TRIM46: variants seen among roughly 807,000 people sequenced by gnomAD.
The protein encoded by TRIM46 is tripartite motif-containing protein 46.
TRIM46 carries 17 observed loss-of-function variants against 69.7 expected under a neutral mutation model. The observed-to-expected ratio is 0.24, with a 90% CI of 0.17 to 0.37. The LOEUF (loss-of-function observed/expected upper bound fraction) is 0.37, where lower values mean the gene tolerates loss of function less well. Among genes scored for constraint, TRIM46 ranks in the 10% least tolerant of loss-of-function variants. The pLI is 1.00. For missense variants in TRIM46, 675 were observed against 1,025.1 expected (o/e 0.66, Z 4.66); for synonymous variants, 391 against 429.0 (o/e 0.91, Z 1.09).
intron 9 of TRIM46, 84 bp from the exon 10 acceptor site, chr1:155,183,713 T>G (rs1666347773): frequency 1.3e-6 from 2 of 1,546,436 alleles, no homozygotes; most frequent in East Asian, 4.5e-5. Flanking sequence ...CTCCTTAACA[T>G]TCCATCCTTC....
Position 155,175,014 on chromosome 1 carries a change from T to G in TRIM46, c.64-372T>G. ...AAGGGAGTGGGGGTCTGCATGGAGC[T>G]GCAGAATGGGCGGTGTCCTTGAGAA... On this transcript the variant is annotated intron_variant, in intron 1 of 9. Coordinates refer to ENST00000334634, the MANE Select transcript of TRIM46 (RefSeq NM_025058.5). This position sits in a 1 kb window ranked among gnomAD's most constrained non-coding sequence, Gnocchi z 4.2. 7.3e-7 allele frequency: 1 copy of G among 1,372,438 alleles called. No homozygotes were observed. The highest frequency in any genetic ancestry group is 1.8e-5 in the South Asian group (1 of 54,730). The allele number at this position is 1,372,438 out of a possible 1,614,324, so 85.0% of individuals were successfully genotyped here. A position where few individuals can be genotyped will look rare whatever the true frequency, so the allele number is the denominator to read the frequency against.
rs1665478612 is a variant in TRIM46 at position 155,174,669 on chromosome 1, G to A, written c.63+640G>A. The A allele has an allele frequency of 3.4e-6, 5 of 1,477,774 alleles. No individual in the cohort carries two copies. In the South Asian group the frequency reaches 5.2e-5, roughly 15 times the overall value. The allele number at this position is 1,477,774 out of a possible 1,614,324, so 91.5% of individuals were successfully genotyped here. On this transcript the variant is annotated intron_variant, in intron 1 of 9. Coordinates refer to ENST00000334634, the MANE Select transcript of TRIM46 (RefSeq NM_025058.5). ...GAGGTGTGGGGGTGGGGCATAGCCT[G>A]AGGACCCCCACTCTCGCCACCAAGA...
chr1:155,182,217 C>T, intron 9 of TRIM46, 68 bp downstream of exon 9: 1 of 777,898 alleles, frequency 1.3e-6, no homozygotes, highest in East Asian at 3.9e-5. Flanking sequence ...GAAGGGGTGG[C>T]AAGTGGAGCA....
At chr1:155,178,739 T>TGGGCCCCCCCCCCCCCCCCC in intron 7 of TRIM46, 126 bp downstream of exon 7, 2 of 1,348,464 alleles carry the variant, frequency 1.5e-6, no homozygotes, top group Non-Finnish European at 2.0e-6. Flanking sequence ...CAGCCATTCC[T>TGGGCCCCCCCCCCCCCCCCC]CCCACCCAGC....
In TRIM46 at chr1:155,184,491, C is replaced by T. The variant is rs1264474123; in HGVS notation, c.*301C>T. The T allele has an allele frequency of 1.1e-5, 4 of 354,008 alleles. No individual in the cohort carries two copies. The highest frequency in any genetic ancestry group is 2.1e-5 in the Non-Finnish European group (4 of 192,894). 21.9% of individuals were successfully genotyped at this position (354,008 alleles called of 1,614,324 possible). On this transcript the variant is annotated 3_prime_UTR_variant, in exon 10 of 10. Coordinates refer to ENST00000334634, the MANE Select transcript of TRIM46 (RefSeq NM_025058.5). This position sits in a 1 kb window ranked among gnomAD's most constrained non-coding sequence, Gnocchi z 5.6. ...CAAGCCATGGAGAGAGCCCCTTCTCCATCCCTGTCCTGTGCCCCCCAGGCT... is the reference window on the plus strand; with the variant it reads ...CAAGCCATGGAGAGAGCCCCTTCTCTATCCCTGTCCTGTGCCCCCCAGGCT...
In TRIM46 at chr1:155,181,871, T is replaced by C. The variant is rs368432561; in HGVS notation, c.1608T>C (p.Asp536=). Residue 536 remains aspartate (D), a synonymous_variant, in exon 9 of 10, where the codon GAT becomes GAC. Transcript: ENST00000334634. This position sits in a 1 kb window ranked among gnomAD's most constrained non-coding sequence, Gnocchi z 4.3. ...TTCCAGTCCTGCACTTCTTCCTCGA[T>C]AGCCGCTGGGGCGCAAGCCGAGAGC... ...PPAPVLHFFL[D]SRWGASRERL... 6.2e-7 allele frequency: 1 copy of C among 1,611,520 alleles called. No homozygotes were observed. Among genetic ancestry groups the C allele is most frequent in the Non-Finnish European group, 8.5e-7 (1 of 1,178,102 alleles).
At chr1:155,178,279 G>A (rs923554865) in intron 6 of TRIM46, 24 bp downstream of exon 6, 7 of 1,576,968 alleles carry the variant, frequency 4.4e-6, no homozygotes, top group Admixed American at 1.7e-5. Flanking sequence ...TGGGCTCCTA[G>A]GGGGGCAGGG....
In TRIM46 at chr1:155,179,823, C is replaced by T. The variant is rs762833798; in HGVS notation, c.1477C>T (p.Leu493Phe). 2.5e-6 allele frequency: 4 copies of T among 1,613,296 alleles called. No homozygotes were observed. Among genetic ancestry groups the T allele is most frequent in the Non-Finnish European group, 2.5e-6 (3 of 1,179,880 alleles). Residue 493 changes from leucine to phenylalanine, a missense_variant, in exon 8 of 10, where the codon CTT (leucine) becomes TTT (phenylalanine). Leu to Phe is a conservative substitution (Grantham distance 22, BLOSUM62 0). Around this residue, in one of 5 missense-constraint regions of TRIM46, gnomAD observed 361 missense variants for 498.3 expected, o/e 0.72. Transcript: ENST00000334634. ...REEVRGTSAL[L>F]ENPDTGSVYV... is the part of the protein sequence containing the mutation. The stretch of plus-strand genomic sequence containing the variant: ...GGAGGTGAGGGGCACCAGTGCCCTG[C>T]TTGAGAACCCCGACACGGGCTCTGT...
Position 155,178,527 on chromosome 1 carries a change from G to A in TRIM46, c.1199G>A (p.Arg400Gln), listed in dbSNP as rs781105980. The part of the protein sequence containing the change: ...ARATEALQTF[R>Q]PAASSSFRHC... Reference sequence around the variant, plus strand: ...GCCACTGAAGCCCTCCAGACATTCCGGCCAGCTGCCAGCTCCTCCTTCCGC... The same window carrying A: ...GCCACTGAAGCCCTCCAGACATTCCAGCCAGCTGCCAGCTCCTCCTTCCGC... The change falls in exon 7 of 10, where the codon CGG (arginine) becomes CAG (glutamine). Residue 400 changes from arginine to glutamine, a missense_variant. Physicochemically the swap from Arg to Gln is conservative, Grantham distance 43. Transcript: ENST00000334634. 14 of 1,613,942 alleles carry A rather than the reference G, an allele frequency of 8.7e-6. No homozygotes were observed. The highest frequency in any genetic ancestry group is 2.2e-5 in the East Asian group (1 of 44,896).
At chr1:155,178,940 T>G in intron 7 of TRIM46, 1 of 883,342 alleles carries the variant, frequency 1.1e-6, no homozygotes, top group Non-Finnish European at 1.6e-6. Flanking sequence ...CACTCATTGC[T>G]TCCTTCTCTT....
intron 9 of TRIM46, among the ~76,000 whole-genome samples, chr1:155,183,065 C>A (rs1045321883): frequency 6.6e-6 from 1 of 151,866 alleles, no homozygotes. Flanking sequence ...CACCCGCCAC[C>A]ATGCCCAGCT....
At position 155,181,769 on chromosome 1, in the gene TRIM46, CCT is replaced by C. The variant is rs1666189848; in HGVS notation, c.1589-82_1589-81del. The C allele has an allele frequency of 1.3e-6, 2 of 1,487,304 alleles. No individual in the cohort carries two copies. Among genetic ancestry groups the C allele is most frequent in the South Asian group, 2.6e-5 (2 of 78,402 alleles). The allele number at this position is 1,487,304 out of a possible 1,614,324, so 92.1% of individuals were successfully genotyped here. A position where few individuals can be genotyped will look rare whatever the true frequency, so the allele number is the denominator to read the frequency against. ...GACTGAACCCCCTTGCAACGCGTTC[CCT>C]GTTCTGCAGTCTCACAGCCCCCAGT... On this transcript the variant is annotated intron_variant, in intron 8 of 9. Coordinates refer to ENST00000334634, the MANE Select transcript of TRIM46 (RefSeq NM_025058.5). This position sits in a 1 kb window ranked among gnomAD's most constrained non-coding sequence, Gnocchi z 4.3.
rs911740106 is a variant in TRIM46, at chr1:155,175,266, G to T, written c.64-120G>T. On this transcript the variant is annotated intron_variant, in intron 1 of 9. Transcript: ENST00000334634. This position sits in a 1 kb window ranked among gnomAD's most constrained non-coding sequence, Gnocchi z 4.2. ...AGCCCAAGGCAGGTGCTCTGGAAAA[G>T]CTGCAGGTAGCTTGTCTTGCTCCTT... 374 of 1,545,568 alleles carry T rather than the reference G, an allele frequency of 2.4e-4. 1 individual carries two copies. Among genetic ancestry groups the T allele is most frequent in the Non-Finnish European group, 3.0e-4 (350 of 1,155,166 alleles).
In TRIM46 at chr1:155,174,697, G is replaced by T. The variant is rs1665484472; in HGVS notation, c.63+668G>T. 11 of 1,448,812 alleles carry T rather than the reference G, an allele frequency of 7.6e-6. No homozygotes were observed. The South Asian group carries it at 1.5e-4, about 20-fold the overall frequency. The allele number at this position is 1,448,812 out of a possible 1,614,324, so 89.7% of individuals were successfully genotyped here. A position where few individuals can be genotyped will look rare whatever the true frequency, so the allele number is the denominator to read the frequency against. ...GACCCCCACTCTCGCCACCAAGAGG[G>T]GGAGGGGACTTCCGGTGGGGAGGGG... On this transcript the variant is annotated intron_variant, in intron 1 of 9. Transcript: ENST00000334634.
chr1:155,175,683 C>A lies in TRIM46; in HGVS notation c.325+36C>A, dbSNP rs1263615509. The A allele has an allele frequency of 2.5e-6, 4 of 1,612,182 alleles. No homozygotes were observed. Among genetic ancestry groups the A allele is most frequent in the Non-Finnish European group, 3.4e-6 (4 of 1,179,940 alleles). On this transcript the variant is annotated intron_variant, in intron 2 of 9. Transcript: ENST00000334634. The surrounding 1 kb of genome is among the most constrained non-coding windows in gnomAD (Gnocchi z 4.2). ...GGCCTGTAGGGTGGGGATGGGAACG[C>A]TGAGCTATTCATCAGGAAGATGGAA...
At chr1:155,183,758 A>G (rs954234072) in intron 9 of TRIM46, 39 bp from the exon 10 acceptor site, 1 of 1,594,090 alleles carries the variant, frequency 6.3e-7, no homozygotes, top group Non-Finnish European at 8.5e-7. Flanking sequence ...CCGTCACTCC[A>G]TCCCTCAACA....
intron 9 of TRIM46, 129 bp from the exon 10 acceptor site, chr1:155,183,668 T>C: frequency 7.8e-7 from 1 of 1,289,518 alleles, no homozygotes. Flanking sequence ...AGCGTTTTCT[T>C]CTCAACACCC....
chr1:155,174,021 C>T lies in TRIM46; in HGVS notation c.55C>T (p.Arg19Cys), dbSNP rs751406608. 1.9e-6 allele frequency: 3 copies of T among 1,564,434 alleles called. No individual in the cohort carries two copies. Among genetic ancestry groups the T allele is most frequent in the South Asian group, 1.2e-5 (1 of 84,886 alleles). ...CACTTCCATCATGGACGCACTGGTCCGCATCAGTGTGAGTTAAGGTGGGGT... is the reference window on the plus strand; with the variant it reads ...CACTTCCATCATGGACGCACTGGTCTGCATCAGTGTGAGTTAAGGTGGGGT... ...TFTSIMDALVRISTSMKNMEK... is the reference protein window; with the variant it reads ...TFTSIMDALVCISTSMKNMEK... The change falls in exon 1 of 10, where the codon CGC (arginine) becomes TGC (cysteine). Residue 19 changes from arginine (R) to cysteine (C), a missense_variant. This residue lies in a region of TRIM46 where 170 missense variants were observed against 255.6 expected (regional missense o/e 0.67). Transcript: ENST00000334634.
In TRIM46 at chr1:155,176,968, C is replaced by CACT. The variant is rs1422758108; in HGVS notation, c.710_712dup (p.Tyr237dup). Reference sequence around the variant, plus strand: ...CCCAGACCACAAGGAAGAGGTGACCCACTACTGCAAGACATGCCAACGCCT... The same window carrying CACT: ...CCCAGACCACAAGGAAGAGGTGACCCACTACTACTGCAAGACATGCCAACGCCT... On this transcript the variant is annotated inframe_insertion, in exon 4 of 10. Coordinates refer to ENST00000334634, the MANE Select transcript of TRIM46 (RefSeq NM_025058.5). The CACT allele has an allele frequency of 6.2e-7, 1 of 1,614,200 alleles. No individual in the cohort carries two copies. The highest frequency in any genetic ancestry group is 8.5e-7 in the Non-Finnish European group (1 of 1,180,014).
Sources: gnomAD v4.1 joint callset for allele counts (sites outside exome capture counted in the v4.1 genomes callset) on GRCh38, gnomAD v4.1.1 for gene constraint, gnomAD v4.1.1 regional missense constraint, Gnocchi (gnomAD v3.1) non-coding constraint, MANE v1.5 for transcripts, NCBI Gene and HGNC (gene_info 2026-07-23, HGNC 2026-07-21) for gene names.